Variants in SORBS2 observed in about 807,000 individuals in gnomAD.
SORBS2 encodes the protein sorbin and SH3 domain containing 2.
A neutral mutation model predicts 97.7 loss-of-function variants in SORBS2; 46 were observed. That is an observed-to-expected ratio of 0.47 (90% confidence interval 0.37 to 0.60). The LOEUF (loss-of-function observed/expected upper bound fraction) is 0.60, where lower values mean the gene tolerates loss of function less well. Ranked by LOEUF, SORBS2 falls within the 20% of genes least tolerant of loss-of-function variation. The pLI, the probability that SORBS2 is intolerant of heterozygous loss-of-function variation, is 0.00. For missense variants in SORBS2, 1,316 were observed against 1,282.3 expected (o/e 1.03, Z -0.40); for synonymous variants, 476 against 473.4 (o/e 1.01, Z -0.07).
chr4:185,866,467 C>T (rs1360004073), intron 1 of SORBS2, among the ~76,000 whole-genome samples: 1 of 152,234 alleles, frequency 6.6e-6, no homozygotes, highest in Non-Finnish European at 1.5e-5. Flanking sequence ...ACTTAATGCA[C>T]ATTCAATTTT....
intron 2 of SORBS2, among the ~76,000 whole-genome samples, chr4:185,738,412 G>T (rs776884091): frequency 1.6e-4 from 25 of 152,188 alleles, no homozygotes; most frequent in Non-Finnish European, 5.9e-5. Context: ...CCAGCCCGGA[G>T]ATTTTCCTTT....
upstream of SORBS2, chr4:185,657,725 A>C: frequency 3.6e-6 from 3 of 835,608 alleles, no homozygotes; most frequent in South Asian, 1.8e-5. Context: ...CTTTTAACTC[A>C]TTTACTTTCC....
chr4:185,925,241 G>C (rs2149939792), intron 1 of SORBS2, among the ~76,000 whole-genome samples: 1 of 152,238 alleles, frequency 6.6e-6, no homozygotes, highest in African/African-American at 2.4e-5. Flanking sequence ...TTCTTTTTGA[G>C]AATATATCCT....
chr4:185,909,957 T>G (rs1184518724), intron 1 of SORBS2, among the ~76,000 whole-genome samples: 7 of 146,252 alleles, frequency 4.8e-5, no homozygotes, highest in Non-Finnish European at 8.9e-5. Flanking sequence ...GCACTCCAGC[T>G]TGGGTGACAG....
chr4:185,746,105 T>C (rs2098758168), intron 2 of SORBS2, among the ~76,000 whole-genome samples: 1 of 152,082 alleles, frequency 6.6e-6, no homozygotes, highest in South Asian at 2.1e-4. Flanking sequence ...TTGGGTAAGA[T>C]TTACAGGAGA....
At chr4:185,872,041 T>C (rs2099230695) in intron 1 of SORBS2, among the ~76,000 whole-genome samples, 1 of 152,238 alleles carries the variant, frequency 6.6e-6, no homozygotes, top group Non-Finnish European at 1.5e-5. Context: ...ACTTTACGTG[T>C]GTAAATTTAG....
chr4:185,669,045 G>C (rs944892642), intron 4 of SORBS2, among the ~76,000 whole-genome samples: 1 of 152,190 alleles, frequency 6.6e-6, no homozygotes, highest in Admixed American at 6.5e-5. Flanking sequence ...GAGCTTCTTC[G>C]TCCAAATGAC....
rs375744229 is a variant in SORBS2 at position 185,636,504 on chromosome 4, TA to T, written c.397-5907del. The stretch of plus-strand genomic sequence containing the variant: ...ATAGAAATGGTTATATCCTGATTTC[TA>T]AAAAAACTATCAGTGTAATTGGTAG... On this transcript the variant is annotated intron_variant, in intron 4 of 14. Coordinates refer to ENST00000418609, the Ensembl canonical transcript of SORBS2. Among the ~76,000 whole-genome samples the T allele has an allele frequency of 9.2e-5, 14 of 152,286 alleles. No individual in the cohort carries two copies. The East Asian group carries it at 2.5e-3, about 27-fold the overall frequency.
intron 4 of SORBS2, among the ~76,000 whole-genome samples, chr4:185,667,117 G>A (rs764774639): frequency 3.7e-4 from 56 of 152,250 alleles, no homozygotes; most frequent in Admixed American, 1.1e-3. Flanking sequence ...ATAAAACTCC[G>A]AAGCAACTTT....
At chr4:185,692,506 C>T (rs2098115468) in intron 2 of SORBS2, among the ~76,000 whole-genome samples, 1 of 152,172 alleles carries the variant, frequency 6.6e-6, no homozygotes, top group South Asian at 2.1e-4. Flanking sequence ...TCCCTTCTGA[C>T]CATTTCCTCT....
intron 12 of SORBS2, among the ~76,000 whole-genome samples, chr4:185,594,918 T>C (rs2096049907): frequency 6.6e-6 from 1 of 152,220 alleles, no homozygotes; most frequent in Admixed American, 6.5e-5. Context: ...GTTTGATGAC[T>C]ACTGAAATAG....
intron 1 of SORBS2, among the ~76,000 whole-genome samples, chr4:185,823,704 A>G (rs897461078): frequency 6.6e-6 from 1 of 152,138 alleles, no homozygotes; most frequent in Non-Finnish European, 1.5e-5. Flanking sequence ...TTTCCACGAG[A>G]CAGGAAAAAA....
chr4:185,635,005 C>T (rs1043609146), intron 4 of SORBS2, among the ~76,000 whole-genome samples: 3 of 152,228 alleles, frequency 2.0e-5, no homozygotes, highest in Middle Eastern at 3.4e-3. Context: ...TCTAAGAAGC[C>T]TTCTTGTAGT....
intron 1 of SORBS2, among the ~76,000 whole-genome samples, chr4:185,822,028 C>A (rs1036619690): frequency 6.6e-6 from 1 of 152,030 alleles, no homozygotes; most frequent in Non-Finnish European, 1.5e-5. Flanking sequence ...AATTGTAACA[C>A]GATGTTATTT....
chr4:185,893,342 C>T lies in SORBS2; in HGVS notation c.-338+62854G>A, dbSNP rs184454772. ...GATGCATGGGCTGCAATACACCAGA[C>T]AGCACCACTGCCGCGCTGGAGCAAA... On this transcript the variant is annotated intron_variant, in intron 1 of 20. Coordinates refer to the SORBS2 transcript ENST00000284776. Among the ~76,000 whole-genome samples, 325 of 152,316 alleles carry T rather than the reference C, an allele frequency of 2.1e-3. 5 individuals carry two copies. The highest frequency in any genetic ancestry group is 0.019 in the Admixed American group (297 of 15,302).
At chr4:185,717,553 T>C (rs1442823328) in intron 2 of SORBS2, among the ~76,000 whole-genome samples, 1 of 152,208 alleles carries the variant, frequency 6.6e-6, no homozygotes, top group African/African-American at 2.4e-5. Context: ...GGGGGGTGGC[T>C]TGTGGTTTAA....
chr4:185,657,378 A>G (rs2097424731), upstream of SORBS2: 1 of 1,450,884 alleles, frequency 6.9e-7, no homozygotes, highest in Non-Finnish European at 9.1e-7. Flanking sequence ...TCCTTTGTGG[A>G]GTCTGTGCAC....
chr4:185,667,054 G>A (rs772707203), intron 4 of SORBS2, among the ~76,000 whole-genome samples: 34 of 152,214 alleles, frequency 2.2e-4, no homozygotes, highest in Non-Finnish European at 4.7e-4. Flanking sequence ...CCTGGATGAC[G>A]TTTGACCACA....
chr4:185,755,156 A>G (rs945745777), intron 2 of SORBS2, among the ~76,000 whole-genome samples: 1 of 152,382 alleles, frequency 6.6e-6, no homozygotes, highest in East Asian at 1.9e-4. Flanking sequence ...GATGACCAGC[A>G]TGTGTCCTGG....
Sources: gnomAD v4.1 joint callset for allele counts (sites outside exome capture counted in the v4.1 genomes callset) on GRCh38, gnomAD v4.1.1 for gene constraint, MANE v1.5 for transcripts, NCBI Gene and HGNC (gene_info 2026-07-23, HGNC 2026-07-21) for gene names.